The following CACNA2D1 variants were observed in gnomAD, a reference collection of about 807,000 sequenced individuals.
CACNA2D1 encodes voltage-dependent calcium channel subunit alpha-2/delta-1.
CACNA2D1 carries 53 observed loss-of-function variants against 171.5 expected under a neutral mutation model. That is an observed-to-expected ratio of 0.31 (90% CI 0.25 to 0.39). The LOEUF (loss-of-function observed/expected upper bound fraction) is 0.39. Among genes scored for constraint, CACNA2D1 ranks in the 10% least tolerant of loss-of-function variants. CACNA2D1 has a pLI of 1.00. For synonymous variants in CACNA2D1, 442 were observed against 443.1 expected (o/e 1.00, Z 0.03); for missense variants, 903 against 1,299.8 (o/e 0.69, Z 4.69).
At chr7:82,269,930 A>C (rs1010343744) in intron 3 of CACNA2D1, among the ~76,000 whole-genome samples, 29 of 152,146 alleles carry the variant, frequency 1.9e-4, no homozygotes, top group Admixed American at 6.5e-5. Context: ...ATCATCTCTA[A>C]AATCACTCCA....
chr7:82,010,101 C>T (rs1799601242), intron 15 of CACNA2D1, among the ~76,000 whole-genome samples: 1 of 152,094 alleles, frequency 6.6e-6, no homozygotes, highest in African/African-American at 2.4e-5. Context: ...AAAATGTCTC[C>T]ATTTTCTTAA....
intron 6 of CACNA2D1, among the ~76,000 whole-genome samples, chr7:82,103,317 CA>C (rs1344522216): frequency 6.6e-6 from 1 of 151,838 alleles, no homozygotes; most frequent in African/African-American, 2.4e-5. Flanking sequence ...AATAATCTAA[CA>C]AAAAAACAGA....
intron 4 of CACNA2D1, among the ~76,000 whole-genome samples, chr7:82,156,001 G>C (rs937366831): frequency 2.6e-5 from 4 of 151,990 alleles, no homozygotes; most frequent in African/African-American, 9.7e-5. Flanking sequence ...CCTAATTCTT[G>C]TAACACTCAA....
Position 82,258,817 on chromosome 7 carries a change from CTTTT to C in CACNA2D1, c.294+76314_294+76317del, listed in dbSNP as rs201927487. Among the ~76,000 whole-genome samples the C allele has an allele frequency of 7.6e-4, 55 of 72,622 alleles. No homozygotes were observed. In the East Asian group the frequency reaches 0.012, roughly 15 times the overall value. The allele number at this position is 72,622 out of a possible 152,430, so 47.6% of individuals were successfully genotyped here. ...ATTTCTTTCTTTCTTTCTTACTTTT[CTTTT>C]TTTTTTTTTTTTTTTTTTGAGACAG... On this transcript the variant is annotated intron_variant, in intron 3 of 38. Coordinates refer to ENST00000356860, the MANE Select transcript of CACNA2D1 (RefSeq NM_000722.4).
At chr7:82,148,370 G>T (rs1793396729) in intron 4 of CACNA2D1, among the ~76,000 whole-genome samples, 1 of 151,500 alleles carries the variant, frequency 6.6e-6, no homozygotes, top group Non-Finnish European at 1.5e-5. Flanking sequence ...TTAGAAAAAG[G>T]AATATTGAGA....
intron 3 of CACNA2D1, among the ~76,000 whole-genome samples, chr7:82,213,080 T>C (rs1197483123): frequency 1.3e-5 from 2 of 152,094 alleles, no homozygotes; most frequent in Admixed American, 1.3e-4. Flanking sequence ...TTTGTATTTT[T>C]AGTAGAGACG....
chr7:82,404,002 T>C (rs540361384), intron 1 of CACNA2D1, among the ~76,000 whole-genome samples: 20 of 152,332 alleles, frequency 1.3e-4, no homozygotes, highest in Admixed American at 3.9e-4. Flanking sequence ...AAAATGTAAG[T>C]AGTGAATAGT....
chr7:81,962,061 C>A (rs1794192379), intron 35 of CACNA2D1, 38 bp from the exon 36 acceptor site: 2 of 1,606,628 alleles, frequency 1.2e-6, no homozygotes, highest in Admixed American at 1.7e-5. Flanking sequence ...CAAAGAACAC[C>A]ATTAGGAGGG....
At chr7:82,377,818 G>T (rs1544462) in intron 1 of CACNA2D1, among the ~76,000 whole-genome samples, 1 of 151,938 alleles carries the variant, frequency 6.6e-6, no homozygotes, top group Non-Finnish European at 1.5e-5. Flanking sequence ...TTCTTTCTAC[G>T]GTTGATGTTA....
chr7:82,362,380 T>C (rs1345602307), intron 1 of CACNA2D1, among the ~76,000 whole-genome samples: 1 of 152,150 alleles, frequency 6.6e-6, no homozygotes, highest in Non-Finnish European at 1.5e-5. Flanking sequence ...CTGTGAATCA[T>C]ATGTGATTCA....
At chr7:82,196,361 G>T (rs1275719328) in intron 3 of CACNA2D1, among the ~76,000 whole-genome samples, 5 of 152,018 alleles carry the variant, frequency 3.3e-5, no homozygotes, top group Non-Finnish European at 7.4e-5. Context: ...GACAATGCTA[G>T]AAGAATTCTA....
At chr7:82,202,671 T>TG (rs11438955) in intron 3 of CACNA2D1, among the ~76,000 whole-genome samples, 147,569 of 152,184 alleles carry the variant, frequency 0.97, 71,598 homozygotes, top group East Asian at 1. Context: ...CAGGTGCTGG[T>TG]GGGCACCTGG....
Position 82,005,775 on chromosome 7 carries a change from G to A in CACNA2D1, c.1505C>T (p.Pro502Leu), listed in dbSNP as rs747055900. 3 of 1,590,460 alleles carry A rather than the reference G, an allele frequency of 1.9e-6. No homozygotes were observed. The highest frequency in any genetic ancestry group is 3.3e-5 in the Admixed American group (2 of 59,934). Reference protein sequence around the residue: ...VSLEDIKRLTPRFTLCPNGYY... With the variant: ...VSLEDIKRLTLRFTLCPNGYY... The stretch of plus-strand genomic sequence containing the variant: ...CAAATTTCATCTTACTGTAAAACGT[G>A]GTGTCAGTCTTTTAATATCTTCCAA... Residue 502 changes from proline (P) to leucine (L), a missense_variant, in exon 17 of 39, where the codon CCA becomes CTA. Pro to Leu is a moderately conservative substitution (Grantham distance 98). Around this residue, in one of 5 missense-constraint regions of CACNA2D1, gnomAD observed 623 missense variants for 925.5 expected, o/e 0.67. Coordinates refer to ENST00000356860, the MANE Select transcript of CACNA2D1 (RefSeq NM_000722.4).
In CACNA2D1 at chr7:81,964,995, C is replaced by T. The variant is rs544377377; in HGVS notation, c.2574+599G>A. Among the ~76,000 whole-genome samples, 5 of 151,788 alleles carry T rather than the reference C, an allele frequency of 3.3e-5. No homozygotes were observed. The South Asian group carries it at 6.2e-4, about 19-fold the overall frequency. On this transcript the variant is annotated intron_variant, in intron 32 of 38. Transcript: ENST00000356860. ...TGAGAGAGCAGGCTGGCCTAGAAAA[C>T]GAACTTGTAGGGGCTGTGATGAACT... is the stretch of plus-strand genomic sequence containing the variant.
At chr7:82,230,740 A>G (rs1802841894) in intron 3 of CACNA2D1, among the ~76,000 whole-genome samples, 1 of 152,232 alleles carries the variant, frequency 6.6e-6, no homozygotes, top group Non-Finnish European at 1.5e-5. Context: ...CTAGAAATAC[A>G]CAGACTATCT....
intron 2 of CACNA2D1, among the ~76,000 whole-genome samples, chr7:82,344,397 T>C (rs1457714726): frequency 6.6e-6 from 1 of 152,146 alleles, no homozygotes; most frequent in Non-Finnish European, 1.5e-5. Context: ...CAATAAATAA[T>C]AACATATCCC....
At chr7:82,146,494 T>TTA (rs374065183) in intron 4 of CACNA2D1, among the ~76,000 whole-genome samples, 11 of 121,058 alleles carry the variant, frequency 9.1e-5, no homozygotes, top group South Asian at 2.6e-4. Context: ...ATATTTATAT[T>TTA]TATATATATA....
At chr7:82,044,617 A>G (rs938881403) in intron 10 of CACNA2D1, among the ~76,000 whole-genome samples, 1 of 152,182 alleles carries the variant, frequency 6.6e-6, no homozygotes, top group Non-Finnish European at 1.5e-5. Flanking sequence ...AATAAGAAAC[A>G]ATAAAATTTT....
At chr7:82,357,130 G>C (rs1820518551) in intron 1 of CACNA2D1, among the ~76,000 whole-genome samples, 1 of 152,096 alleles carries the variant, frequency 6.6e-6, no homozygotes, top group African/African-American at 2.4e-5. Context: ...AGAATATGCA[G>C]ATTTTCATTA....
Sources: gnomAD v4.1 joint callset for allele counts (sites outside exome capture counted in the v4.1 genomes callset) on GRCh38, gnomAD v4.1.1 for gene constraint, gnomAD v4.1.1 regional missense constraint, MANE v1.5 for transcripts, NCBI Gene and HGNC (gene_info 2026-07-23, HGNC 2026-07-21) for gene names.